Variants in RETSAT observed in about 807,000 individuals in gnomAD.
RETSAT encodes all-trans-retinol 13,14-reductase.
A neutral mutation model predicts 61.6 loss-of-function variants in RETSAT; 35 were observed. The observed-to-expected ratio is 0.57, with a 90% CI of 0.43 to 0.75. The LOEUF is 0.75. Among genes scored for constraint, RETSAT ranks in the 30% least tolerant of loss-of-function variants. The pLI is 0.00. For missense variants in RETSAT, 670 were observed against 759.5 expected (o/e 0.88, Z 1.38); for synonymous variants, 277 against 310.4 (o/e 0.89, Z 1.13).
chr2:85,348,303 A>G (rs1455316676), intron 5 of RETSAT, among the ~76,000 whole-genome samples: 5 of 152,164 alleles, frequency 3.3e-5, no homozygotes, highest in African/African-American at 1.2e-4. Flanking sequence ...GCTAAGATTT[A>G]TAGATACAAA....
At chr2:85,345,638 C>T in intron 6 of RETSAT, 1 of 400,276 alleles carries the variant, frequency 2.5e-6, no homozygotes, top group Non-Finnish European at 4.8e-6. Context: ...TGCCTGCTCT[C>T]CTGCTTCTCT....
rs1338812483 is a variant in RETSAT, at chr2:85,342,904, C to T, written c.*338G>A. ...TGACAACACTGCCAGGGGTTCTATC[C>T]ACAGATGGAATATTCGCTTTGATCA... On this transcript the variant is annotated 3_prime_UTR_variant, in exon 11 of 11. Transcript: ENST00000295802. 4 of 265,276 alleles carry T rather than the reference C, an allele frequency of 1.5e-5. No individual in the cohort carries two copies. Among genetic ancestry groups the T allele is most frequent in the African/African-American group, 8.8e-5 (4 of 45,588 alleles). 16.4% of individuals were successfully genotyped at this position (265,276 alleles called of 1,614,324 possible).
Position 85,349,598 on chromosome 2 carries a change from G to T in RETSAT, c.800-17C>A. 6.2e-7 allele frequency: 1 copy of T among 1,612,008 alleles called. No individual in the cohort carries two copies. The highest frequency in any genetic ancestry group is 1.1e-5 in the South Asian group (1 of 91,010). On this transcript the variant is annotated splice_polypyrimidine_tract_variant and intron_variant, in intron 4 of 10. Coordinates refer to ENST00000295802, the MANE Select transcript of RETSAT (RefSeq NM_017750.4). Reference sequence around the variant, plus strand: ...GGGTGACACCTGCAGAAGCAAGGAAGGGTGGTGAGCTGGCAAGAGAAGGCA... The same window carrying T: ...GGGTGACACCTGCAGAAGCAAGGAATGGTGGTGAGCTGGCAAGAGAAGGCA...
rs756782343 is a variant in RETSAT at position 85,351,880 on chromosome 2, A to G, written c.173-18T>C. The G allele has an allele frequency of 6.2e-7, 1 of 1,609,988 alleles. No individual in the cohort carries two copies. ...TGAAAAAGCTACAGCAGAAGGGCCA[A>G]AGGGTGGGTTTCTCAGGCAGGGGCA... On this transcript the variant is annotated intron_variant, in intron 1 of 10. Coordinates refer to ENST00000295802, the MANE Select transcript of RETSAT (RefSeq NM_017750.4).
rs373239915 is a variant in RETSAT, at chr2:85,354,324, C to G, written c.172+12G>C. 19 of 1,613,918 alleles carry G rather than the reference C, an allele frequency of 1.2e-5. No homozygotes were observed. The Middle Eastern group carries it at 5.0e-4, about 42-fold the overall frequency. ...CGAGTGCAGCCCCGGACCCCAGGGTCCCTCCTGCTACCTTGTTTGAGAACC... is the reference window on the plus strand; with the variant it reads ...CGAGTGCAGCCCCGGACCCCAGGGTGCCTCCTGCTACCTTGTTTGAGAACC... On this transcript the variant is annotated intron_variant, in intron 1 of 10. Transcript: ENST00000295802.
chr2:85,346,939 C>A (rs1683212817), intron 5 of RETSAT, among the ~76,000 whole-genome samples: 1 of 152,142 alleles, frequency 6.6e-6, no homozygotes. Flanking sequence ...TAGGCAGAAC[C>A]AATATCAAAC....
intron 5 of RETSAT, among the ~76,000 whole-genome samples, chr2:85,346,832 C>T (rs900879349): frequency 5.3e-5 from 8 of 152,134 alleles, no homozygotes; most frequent in African/African-American, 7.2e-5. Flanking sequence ...GATAAGAGAA[C>T]CTCCAAAATC....
At position 85,343,638 on chromosome 2, in the gene RETSAT, C is replaced by A. The variant is rs1683126957; in HGVS notation, c.1693+1G>T. ...CTGACAACATGGGGCAGTGAGTATA[C>A]CTGTCAGATAGAGGTTGGGGATGGG... is the stretch of plus-strand genomic sequence containing the variant. On this transcript the variant is annotated splice_donor_variant, in intron 10 of 10. Transcript: ENST00000295802. LOFTEE classifies it high-confidence loss of function. 6.2e-7 allele frequency: 1 copy of A among 1,614,054 alleles called. No homozygotes were observed. The highest frequency in any genetic ancestry group is 1.1e-5 in the South Asian group (1 of 91,084).
chr2:85,346,196 C>T, intron 5 of RETSAT, 102 bp from the exon 6 acceptor site: 1 of 1,478,126 alleles, frequency 6.8e-7, no homozygotes. Context: ...ATTTCTCAGA[C>T]CTTGGAGTCC....
chr2:85,353,013 T>C (rs1315460027), intron 1 of RETSAT, among the ~76,000 whole-genome samples: 2 of 152,186 alleles, frequency 1.3e-5, no homozygotes, highest in East Asian at 1.9e-4. Flanking sequence ...AAACTGCTTA[T>C]TTTTTTAATG....
intron 6 of RETSAT, chr2:85,345,718 C>A: frequency 1.7e-6 from 1 of 590,976 alleles, no homozygotes; most frequent in South Asian, 1.7e-5. Flanking sequence ...TCAAATCAGA[C>A]CAGCTACTCT....
Position 85,350,687 on chromosome 2 carries a change from C to T in RETSAT, c.597+93G>A, listed in dbSNP as rs144432410. ...ACTCTTCCTCCCTTCCTGCCTCCCGCACTGCACTCTCCACCCCCAGTGCCT... is the reference window on the plus strand; with the variant it reads ...ACTCTTCCTCCCTTCCTGCCTCCCGTACTGCACTCTCCACCCCCAGTGCCT... On this transcript the variant is annotated intron_variant, in intron 3 of 10. Coordinates refer to ENST00000295802, the MANE Select transcript of RETSAT (RefSeq NM_017750.4). The T allele has an allele frequency of 3.7e-4, 535 of 1,452,542 alleles. 2 individuals carry two copies. In the East Asian group the frequency reaches 0.012, roughly 32 times the overall value. 90.0% of individuals were successfully genotyped at this position (1,452,542 alleles called of 1,614,324 possible).
intron 1 of RETSAT, among the ~76,000 whole-genome samples, chr2:85,353,612 CAGA>C (rs1683357933): frequency 6.6e-6 from 1 of 152,198 alleles, no homozygotes; most frequent in South Asian, 2.1e-4. Flanking sequence ...ACTCAGTTCT[CAGA>C]AGTCCAGATG....
chr2:85,348,543 A>G (rs1683240141), intron 5 of RETSAT, among the ~76,000 whole-genome samples: 1 of 148,310 alleles, frequency 6.7e-6, no homozygotes, highest in Admixed American at 6.7e-5. Context: ...GAGGCGGGAG[A>G]ATGGCATGAA....
chr2:85,348,898 G>A (rs563899765), intron 5 of RETSAT, among the ~76,000 whole-genome samples: 76 of 151,540 alleles, frequency 5.0e-4, no homozygotes, highest in African/African-American at 1.7e-3. Context: ...CTATAGGTGC[G>A]TGCCACCATG....
chr2:85,354,083 G>A (rs748221651), intron 1 of RETSAT, among the ~76,000 whole-genome samples: 22 of 152,220 alleles, frequency 1.4e-4, no homozygotes, highest in South Asian at 2.1e-4. Flanking sequence ...CAGGGCGGGT[G>A]CCAACACCTT....
chr2:85,341,989 G>T lies in RETSAT; in HGVS notation c.*1253C>A. On this transcript the variant is annotated 3_prime_UTR_variant, in exon 11 of 11. Transcript: ENST00000295802. Reference sequence around the variant, plus strand: ...AATTACTTAATTTTATTTTTTTAAAGCTTATTTTGGTGTTATTCAGTATAT... The same window carrying T: ...AATTACTTAATTTTATTTTTTTAAATCTTATTTTGGTGTTATTCAGTATAT... 1.7e-6 allele frequency: 1 copy of T among 591,604 alleles called. No homozygotes were observed. 36.6% of individuals were successfully genotyped at this position (591,604 alleles called of 1,614,324 possible).
At chr2:85,354,299 C>T (rs867458617) in intron 1 of RETSAT, 37 bp downstream of exon 1, 1 of 1,610,632 alleles carries the variant, frequency 6.2e-7, no homozygotes. Context: ...GAGAAAGCCT[C>T]GAGTGCAGCC....
At chr2:85,350,640 GGCTGA>G in intron 3 of RETSAT, 135 bp downstream of exon 3, 1 of 983,152 alleles carries the variant, frequency 1.0e-6, no homozygotes, top group Non-Finnish European at 1.5e-6. Flanking sequence ...CTTGGGTGGA[GGCTGA>G]GCTAAGAACA....
Sources: allele counts gnomAD v4.1 joint callset (sites outside exome capture counted in the v4.1 genomes callset), GRCh38; gene constraint gnomAD v4.1.1; transcripts MANE v1.5; gene names NCBI Gene and HGNC (gene_info 2026-07-23, HGNC 2026-07-21).